PRRC2C: variants seen among roughly 807,000 people sequenced by gnomAD.
PRRC2C encodes proline rich coiled-coil 2C, also known as protein PRRC2C.
In PRRC2C, 72 loss-of-function variants were observed where a neutral mutation model predicts 317.2. The observed-to-expected ratio is 0.23, with a 90% CI of 0.19 to 0.28. The LOEUF (loss-of-function observed/expected upper bound fraction) is 0.28, where lower values mean the gene tolerates loss of function less well. Ranked by LOEUF, PRRC2C falls within the 10% of genes least tolerant of loss-of-function variation. PRRC2C has a pLI of 1.00. For missense variants in PRRC2C, 3,074 were observed against 3,459.7 expected (o/e 0.89, Z 2.80); for synonymous variants, 1,296 against 1,205.9 (o/e 1.07, Z -1.55).
chr1:171,577,327 G>T, intron 25 of PRRC2C, 107 bp from the exon 26 acceptor site: 2 of 950,888 alleles, frequency 2.1e-6, no homozygotes, highest in Admixed American at 2.2e-5. Context: ...ATATAAGTAC[G>T]TGATGGGTAG....
intron 3 of PRRC2C, among the ~76,000 whole-genome samples, chr1:171,513,845 G>C (rs976505917): frequency 6.6e-6 from 1 of 152,120 alleles, no homozygotes; most frequent in African/African-American, 2.4e-5. Flanking sequence ...GACTACTTCT[G>C]TAGTAATGTA....
intron 1 of PRRC2C, among the ~76,000 whole-genome samples, chr1:171,490,931 A>G (rs914237574): frequency 5.3e-5 from 8 of 152,222 alleles, no homozygotes; most frequent in Non-Finnish European, 1.2e-4. Flanking sequence ...AACCTGGCTT[A>G]AGTTTTAAAT....
chr1:171,550,280 T>G (rs1422551395), intron 18 of PRRC2C, 40 bp downstream of exon 18: 4 of 1,502,808 alleles, frequency 2.7e-6, no homozygotes, highest in Non-Finnish European at 3.6e-6. Flanking sequence ...TTATCTAGAT[T>G]TGTTGCCCAA....
chr1:171,540,218 G>A lies in PRRC2C; in HGVS notation c.2752G>A (p.Glu918Lys). 1.2e-6 allele frequency: 2 copies of A among 1,613,904 alleles called. No individual in the cohort carries two copies. Among genetic ancestry groups the A allele is most frequent in the Non-Finnish European group, 1.7e-6 (2 of 1,179,890 alleles). The change falls in exon 16 of 35, where the codon GAA becomes AAA. Residue 918 changes from glutamate to lysine, a missense_variant. Transcript: ENST00000647382. ...TCAAGAGGAGCGGATTTCAGCTGTA[G>A]AAAGTCAGCCTTCCCGGAAAAGAAG... is the stretch of plus-strand genomic sequence containing the variant. ...APQEERISAVESQPSRKRSVS... is the reference protein window; with the variant it reads ...APQEERISAVKSQPSRKRSVS...
intron 30 of PRRC2C, among the ~76,000 whole-genome samples, chr1:171,586,312 A>T (rs972960288): frequency 3.3e-5 from 5 of 150,810 alleles, no homozygotes; most frequent in Admixed American, 3.3e-4. Flanking sequence ...GCTGGTCTCA[A>T]ACCCCTGACC....
Position 171,577,478 on chromosome 1 carries a change from A to G in PRRC2C, c.7000A>G (p.Thr2334Ala), listed in dbSNP as rs766490892. Residue 2334 changes from threonine (T) to alanine (A), a missense_variant, in exon 26 of 35, where the codon ACC becomes GCC. Thr to Ala is a moderately conservative substitution (Grantham distance 58). Around this residue, in one of 11 missense-constraint regions of PRRC2C, gnomAD observed 490 missense variants for 663.1 expected, o/e 0.74. Coordinates refer to ENST00000647382, the MANE Select transcript of PRRC2C (RefSeq NM_001387844.1). ...TTSSLSTKST[T>A]TSDPPNICKV... ...CTCTTCTTTGAGCACAAAATCTACA[A>G]CCACATCGGACCCTCCAAATATTTG... 10 of 1,613,014 alleles carry G rather than the reference A, an allele frequency of 6.2e-6. No individual in the cohort carries two copies. Among genetic ancestry groups the G allele is most frequent in the Non-Finnish European group, 7.6e-6 (9 of 1,179,200 alleles).
intron 19 of PRRC2C, 141 bp downstream of exon 19, chr1:171,558,284 A>G (rs1217897586): frequency 4.1e-6 from 5 of 1,221,408 alleles, no homozygotes; most frequent in South Asian, 3.9e-5. Flanking sequence ...AATCCTCTCA[A>G]CTTTCTTAAA....
chr1:171,553,348 CTCTT>C (rs1680685593), intron 18 of PRRC2C, among the ~76,000 whole-genome samples: 2 of 151,876 alleles, frequency 1.3e-5, no homozygotes, highest in African/African-American at 4.8e-5. Flanking sequence ...TGATTCTTCT[CTCTT>C]TTCTTCTTTA....
chr1:171,587,183 G>C lies in PRRC2C; in HGVS notation c.7930G>C (p.Ala2644Pro). Residue 2644 changes from alanine to proline, a missense_variant, in exon 31 of 35, where the codon GCT becomes CCT. Physicochemically the swap from Ala to Pro is conservative, Grantham distance 27 (BLOSUM62 -1). Around this residue, in one of 11 missense-constraint regions of PRRC2C, gnomAD observed 490 missense variants for 663.1 expected, o/e 0.74. Transcript: ENST00000647382. ...CCAGCCTTTCAGAGGATTAATTCCT[G>C]CTGGAACACAGCATAGCATGATTGC... The part of the protein sequence containing the change: ...VSQPFRGLIP[A>P]GTQHSMIATT... 6.2e-7 allele frequency: 1 copy of C among 1,608,478 alleles called. No homozygotes were observed. The highest frequency in any genetic ancestry group is 8.5e-7 in the Non-Finnish European group (1 of 1,177,372).
chr1:171,567,374 G>T (rs1489811847), intron 22 of PRRC2C, among the ~76,000 whole-genome samples: 3 of 152,098 alleles, frequency 2.0e-5, no homozygotes, highest in African/African-American at 7.2e-5. Context: ...ATTGACCATG[G>T]GAACAGACAC....
At chr1:171,578,551 C>A (rs550008882) in intron 26 of PRRC2C, among the ~76,000 whole-genome samples, 1 of 151,664 alleles carries the variant, frequency 6.6e-6, no homozygotes, top group African/African-American at 2.4e-5. Flanking sequence ...ATGTGGAGTT[C>A]TGCAGAACAT....
rs1222907359 is a variant in PRRC2C, at chr1:171,568,249, G to A, written c.6561G>A (p.Glu2187=). ...TTTTTTCTATTACTACTTCACAGGA[G>A]TCTGTAACAGACTATACTACACCCT... ...SSAEYGTNAK[E]SVTDYTTPSS... The change falls in exon 23 of 35, where the codon GAG becomes GAA. Residue 2187 remains glutamate, a splice_region_variant and synonymous_variant. Transcript: ENST00000647382. 6.2e-7 allele frequency: 1 copy of A among 1,604,484 alleles called. No individual in the cohort carries two copies. The highest frequency in any genetic ancestry group is 8.5e-7 in the Non-Finnish European group (1 of 1,174,922).
At chr1:171,515,960 G>A (rs947388924) in intron 5 of PRRC2C, 101 bp downstream of exon 5, 36 of 1,293,266 alleles carry the variant, frequency 2.8e-5, no homozygotes, top group Admixed American at 2.3e-4. Flanking sequence ...TGCCTACTTC[G>A]AAAAGGCAGA....
chr1:171,500,283 A>G (rs1668844959), intron 1 of PRRC2C, among the ~76,000 whole-genome samples: 1 of 152,238 alleles, frequency 6.6e-6, no homozygotes, highest in African/African-American at 2.4e-5. Context: ...TCAGTATTAA[A>G]ACTAGAATCT....
intron 17 of PRRC2C, among the ~76,000 whole-genome samples, chr1:171,548,398 C>G (rs1679573850): frequency 6.6e-6 from 1 of 152,162 alleles, no homozygotes; most frequent in Non-Finnish European, 1.5e-5. Context: ...TTGATCATAC[C>G]TATGTTGCCA....
chr1:171,591,024 G>A (rs539543851), intron 34 of PRRC2C: 2 of 226,112 alleles, frequency 8.8e-6, no homozygotes, highest in South Asian at 3.2e-4. Context: ...TTTGACGTAA[G>A]TATATTTTTG....
At chr1:171,549,769 C>T (rs1679837765) in intron 17 of PRRC2C, among the ~76,000 whole-genome samples, 1 of 152,132 alleles carries the variant, frequency 6.6e-6, no homozygotes, top group East Asian at 1.9e-4. Context: ...GCCATGTTGG[C>T]CAGGCTGGTC....
rs1649289796 is a variant in PRRC2C at position 171,583,964 on chromosome 1, C to A, written c.7418C>A (p.Pro2473Gln). 6.2e-7 allele frequency: 1 copy of A among 1,608,942 alleles called. No homozygotes were observed. The highest frequency in any genetic ancestry group is 1.7e-5 in the Admixed American group (1 of 59,590). ...CTTTAATCCTTATGTAGATCTCAGCCAGCTTTTATGCAAAGCAGTTTATCC... is the reference window on the plus strand; with the variant it reads ...CTTTAATCCTTATGTAGATCTCAGCAAGCTTTTATGCAAAGCAGTTTATCC... ...SSSLQPYRSQ[P>Q]AFMQSSLSQP... Residue 2473 changes from proline (P) to glutamine (Q), a missense_variant, in exon 29 of 35, where the codon CCA becomes CAA. Pro to Gln is a moderately conservative substitution (Grantham distance 76). Transcript: ENST00000647382.
chr1:171,520,358 T>C (rs998350608), intron 6 of PRRC2C, among the ~76,000 whole-genome samples: 7 of 152,218 alleles, frequency 4.6e-5, no homozygotes, highest in Non-Finnish European at 8.8e-5. Context: ...ATTTTCAAAT[T>C]GTGCTACCAA....
Sources: gnomAD v4.1 joint callset for allele counts (sites outside exome capture counted in the v4.1 genomes callset) on GRCh38, gnomAD v4.1.1 for gene constraint, gnomAD v4.1.1 regional missense constraint, MANE v1.5 for transcripts, NCBI Gene and HGNC (gene_info 2026-07-23, HGNC 2026-07-21) for gene names.